ZNF462: variants seen among roughly 807,000 people sequenced by gnomAD.
The protein encoded by ZNF462 is zinc finger PBX1-interacting protein.
A neutral mutation model predicts 201.9 loss-of-function variants in ZNF462; 10 were observed. That is an observed-to-expected ratio of 0.05 (90% CI 0.03 to 0.08). The LOEUF (loss-of-function observed/expected upper bound fraction) is 0.08, where lower values mean the gene tolerates loss of function less well. ZNF462 is among the 10% of genes least tolerant of loss of function. The pLI is 1.00. For missense variants in ZNF462, 2,523 were observed against 3,168.3 expected, an observed-to-expected ratio of 0.80 and a Z score of 4.89; for synonymous variants, 1,227 against 1,193.3, an observed-to-expected ratio of 1.03 and a Z score of -0.58.
chr9:106,938,452 T>C lies in ZNF462; in HGVS notation c.6236-464T>C, dbSNP rs887860972. Among the ~76,000 whole-genome samples the C allele has an allele frequency of 3.9e-5, 6 of 152,216 alleles. No homozygotes were observed. Among genetic ancestry groups the C allele is most frequent in the African/African-American group, 1.4e-4 (6 of 41,444 alleles). ...TAGAATAGCACAACAGAGCTTGCACTGAATGACTTTGTGATTAAAAAGCCA... is the reference window on the plus strand; with the variant it reads ...TAGAATAGCACAACAGAGCTTGCACCGAATGACTTTGTGATTAAAAAGCCA... On this transcript the variant is annotated intron_variant, in intron 6 of 12. Coordinates refer to ENST00000277225, the MANE Select transcript of ZNF462 (RefSeq NM_021224.6). This position sits in a 1 kb window ranked among gnomAD's most constrained non-coding sequence, Gnocchi z 4.4.
At chr9:106,916,333 C>G (rs181078464) in intron 1 of ZNF462, among the ~76,000 whole-genome samples, 2 of 152,168 alleles carry the variant, frequency 1.3e-5, no homozygotes, top group Non-Finnish European at 2.9e-5. Flanking sequence ...CAATTCATGT[C>G]TTGGTCTTTC....
At chr9:106,939,493 G>A (rs1830775847) in intron 7 of ZNF462, among the ~76,000 whole-genome samples, 1 of 152,186 alleles carries the variant, frequency 6.6e-6, no homozygotes, top group Admixed American at 6.5e-5. Context: ...CGAAATGTTT[G>A]GGGAGACAGG....
Position 106,885,865 on chromosome 9 carries a change from C to G in ZNF462, c.-31+22510C>G, listed in dbSNP as rs1309185892. Among the ~76,000 whole-genome samples the G allele has an allele frequency of 6.6e-6, 1 of 152,150 alleles. No individual in the cohort carries two copies. The highest frequency in any genetic ancestry group is 1.5e-5 in the Non-Finnish European group (1 of 68,036). ...TTAAGAGTTTCCAGTTCCTCTATCC[C>G]TATTCCCTGTCATCACATAAACCAC... On this transcript the variant is annotated intron_variant, in intron 1 of 12. Transcript: ENST00000277225. This position sits in a 1 kb window ranked among gnomAD's most constrained non-coding sequence, Gnocchi z 4.1.
rs1457461794 is a variant in ZNF462 at position 106,865,627 on chromosome 9, G to A, written c.-31+2272G>A. ...TTTGTTTCCCCTTTCCCTTTCCGTC[G>A]GCTAATTTTTTCTGTGTTCTGAAGT... On this transcript the variant is annotated intron_variant, in intron 1 of 12. Coordinates refer to ENST00000277225, the MANE Select transcript of ZNF462 (RefSeq NM_021224.6). The surrounding 1 kb of genome is among the most constrained non-coding windows in gnomAD (Gnocchi z 4.1). Among the ~76,000 whole-genome samples, 1 of 152,002 alleles carries A rather than the reference G, an allele frequency of 6.6e-6. No individual in the cohort carries two copies.
At chr9:106,915,460 A>T (rs561600127) in intron 1 of ZNF462, among the ~76,000 whole-genome samples, 7 of 152,278 alleles carry the variant, frequency 4.6e-5, no homozygotes, top group Admixed American at 4.6e-4. Flanking sequence ...TAGATTGGGG[A>T]TTGCAAGAGA....
At position 107,003,168 on chromosome 9, in the gene ZNF462, G is replaced by C; in HGVS notation, c.7057-126G>C. 3 of 1,262,222 alleles carry C rather than the reference G, an allele frequency of 2.4e-6. No individual in the cohort carries two copies. Among genetic ancestry groups the C allele is most frequent in the Non-Finnish European group, 3.3e-6 (3 of 911,252 alleles). The allele number at this position is 1,262,222 out of a possible 1,614,324, so 78.2% of individuals were successfully genotyped here. On this transcript the variant is annotated intron_variant, in intron 10 of 12. Coordinates refer to ENST00000277225, the MANE Select transcript of ZNF462 (RefSeq NM_021224.6). This position sits in a 1 kb window ranked among gnomAD's most constrained non-coding sequence, Gnocchi z 4.4. ...GAAGAAAAAGACCTCTTAGGCCCCG[G>C]AGTTGTTTGGTCCTGGTTGCAAAAC...
At chr9:106,976,863 T>C (rs1017315813) in intron 9 of ZNF462, among the ~76,000 whole-genome samples, 6 of 152,150 alleles carry the variant, frequency 3.9e-5, no homozygotes, top group African/African-American at 1.4e-4. Flanking sequence ...TCAGAAAGGC[T>C]AACAACTTGA....
intron 10 of ZNF462, among the ~76,000 whole-genome samples, chr9:106,986,861 C>A (rs981016123): frequency 7.2e-5 from 11 of 151,980 alleles, no homozygotes; most frequent in African/African-American, 2.7e-4. Flanking sequence ...GAGAACATAC[C>A]ATGTTTGGTT....
rs952983870 is a variant in ZNF462 at position 107,011,575 on chromosome 9, C to G, written c.*545C>G. 4.0e-5 allele frequency: 6 copies of G among 151,646 alleles called. No homozygotes were observed. Among genetic ancestry groups the G allele is most frequent in the African/African-American group, 1.5e-4 (6 of 41,280 alleles). 9.4% of individuals were successfully genotyped at this position (151,646 alleles called of 1,614,324 possible). On this transcript the variant is annotated 3_prime_UTR_variant, in exon 13 of 13. Coordinates refer to ENST00000277225, the MANE Select transcript of ZNF462 (RefSeq NM_021224.6). The surrounding 1 kb of genome is among the most constrained non-coding windows in gnomAD (Gnocchi z 5.6). ...TGTTTCCTAGTACCTCAAACTTAAC[C>G]AAGGGAACTCTCTGCATTTGTCAGT...
rs1244155387 is a variant in ZNF462, at chr9:106,934,974, C to T, written c.6117-529C>T. Among the ~76,000 whole-genome samples the T allele has an allele frequency of 2.0e-5, 3 of 152,148 alleles. No individual in the cohort carries two copies. The East Asian group carries it at 5.8e-4, about 29-fold the overall frequency. ...ATTAATATAGACCCTGGCAACAAGACAGCCCATTGCAAGAAGGTCAGCCAC... is the reference window on the plus strand; with the variant it reads ...ATTAATATAGACCCTGGCAACAAGATAGCCCATTGCAAGAAGGTCAGCCAC... On this transcript the variant is annotated intron_variant, in intron 5 of 12. Coordinates refer to ENST00000277225, the MANE Select transcript of ZNF462 (RefSeq NM_021224.6).
At position 106,902,813 on chromosome 9, in the gene ZNF462, T is replaced by G. The variant is rs1410494611; in HGVS notation, c.-30-20541T>G. On this transcript the variant is annotated intron_variant, in intron 1 of 12. Transcript: ENST00000277225. The surrounding 1 kb of genome is among the most constrained non-coding windows in gnomAD (Gnocchi z 4.2). Reference sequence around the variant, plus strand: ...AGTGAGGTTATTTGGATTTTCTCTCTTCTTTTCTTGGTTAATTTTGCTAAT... The same window carrying G: ...AGTGAGGTTATTTGGATTTTCTCTCGTCTTTTCTTGGTTAATTTTGCTAAT... Among the ~76,000 whole-genome samples the G allele has an allele frequency of 1.3e-5, 2 of 152,162 alleles. No homozygotes were observed. Among genetic ancestry groups the G allele is most frequent in the East Asian group, 3.8e-4 (2 of 5,196 alleles).
intron 1 of ZNF462, among the ~76,000 whole-genome samples, chr9:106,922,378 A>T (rs1830025464): frequency 6.6e-6 from 1 of 152,210 alleles, no homozygotes; most frequent in Non-Finnish European, 1.5e-5. Context: ...AGCTTTCTGT[A>T]TATTTCAGTC....
At position 106,927,762 on chromosome 9, in the gene ZNF462, A is replaced by G; in HGVS notation, c.3850A>G (p.Ile1284Val). 6.2e-7 allele frequency: 1 copy of G among 1,614,136 alleles called. No individual in the cohort carries two copies. The highest frequency in any genetic ancestry group is 8.5e-7 in the Non-Finnish European group (1 of 1,180,034). ...CTACTTCTATGCACTGAGGAAGCAT[A>G]TCAAGAAAGACCACCCCGCCCTGAA... ...SPYFYALRKH[I>V]KKDHPALKAT... The change falls in exon 3 of 13, where the codon ATC becomes GTC. Residue 1284 changes from isoleucine (I) to valine (V), a missense_variant. Ile to Val is a conservative substitution (Grantham distance 29, BLOSUM62 3). Around this residue, in one of 15 missense-constraint regions of ZNF462, gnomAD observed 222 missense variants for 271.6 expected, o/e 0.82. Coordinates refer to ENST00000277225, the MANE Select transcript of ZNF462 (RefSeq NM_021224.6).
chr9:106,998,798 G>A (rs922824263), intron 10 of ZNF462, among the ~76,000 whole-genome samples: 3 of 151,816 alleles, frequency 2.0e-5, no homozygotes, highest in Non-Finnish European at 4.4e-5. Flanking sequence ...TAGTAGAGAC[G>A]GGGTTTCACC....
rs1830450919 is a variant in ZNF462, at chr9:106,932,175, G to A, written c.6013-271G>A. The A allele has an allele frequency of 6.6e-7, 1 of 1,509,432 alleles. No homozygotes were observed. The highest frequency in any genetic ancestry group is 2.5e-5 in the East Asian group (1 of 40,798). The allele number at this position is 1,509,432 out of a possible 1,614,324, so 93.5% of individuals were successfully genotyped here. A position where few individuals can be genotyped will look rare whatever the true frequency, so the allele number is the denominator to read the frequency against. On this transcript the variant is annotated intron_variant, in intron 4 of 12. Transcript: ENST00000277225. This position sits in a 1 kb window ranked among gnomAD's most constrained non-coding sequence, Gnocchi z 6.8. ...ACAAGAAGTGCTGTTGAGTTTGGGA[G>A]AATGTAGGGAGAAAAAGAAAGCTGG...
At position 106,978,915 on chromosome 9, in the gene ZNF462, G is replaced by A; in HGVS notation, c.6832+4642G>A. On this transcript the variant is annotated intron_variant, in intron 9 of 12. Transcript: ENST00000277225. This position sits in a 1 kb window ranked among gnomAD's most constrained non-coding sequence, Gnocchi z 4.1. ...TCTGTCATTATAATTGGTCCTGATG[G>A]CTTCTACCAGCTTAGCCAAAGCGCC... is the stretch of plus-strand genomic sequence containing the variant. 1 of 320,718 alleles carries A rather than the reference G, an allele frequency of 3.1e-6. No individual in the cohort carries two copies. Among genetic ancestry groups the A allele is most frequent in the South Asian group, 3.0e-5 (1 of 33,822 alleles). 19.9% of individuals were successfully genotyped at this position (320,718 alleles called of 1,614,324 possible).
intron 11 of ZNF462, among the ~76,000 whole-genome samples, chr9:107,004,257 A>G (rs1164305555): frequency 6.6e-6 from 1 of 152,226 alleles, no homozygotes; most frequent in African/African-American, 2.4e-5. Context: ...AGAAATCAAC[A>G]TTGCAGATAT....
chr9:106,999,868 C>G (rs1829049871), intron 10 of ZNF462, among the ~76,000 whole-genome samples: 1 of 152,122 alleles, frequency 6.6e-6, no homozygotes, highest in Non-Finnish European at 1.5e-5. Context: ...AGACACTGTG[C>G]TGGCCAGTGG....
intron 7 of ZNF462, among the ~76,000 whole-genome samples, chr9:106,951,039 G>A (rs922451508): frequency 5.3e-5 from 8 of 150,390 alleles, no homozygotes; most frequent in African/African-American, 1.5e-4. Context: ...GCAGTGAGCC[G>A]AGATCACACC....
Sources: gnomAD v4.1 joint callset for allele counts (sites outside exome capture counted in the v4.1 genomes callset) on GRCh38, gnomAD v4.1.1 for gene constraint, gnomAD v4.1.1 regional missense constraint, Gnocchi (gnomAD v3.1) non-coding constraint, MANE v1.5 for transcripts, NCBI Gene and HGNC (gene_info 2026-07-23, HGNC 2026-07-21) for gene names.